Variants in GJA9 observed in about 807,000 individuals in gnomAD.
GJA9 encodes the protein gap junction alpha-9 protein.
Under a neutral mutation model 0.4 loss-of-function variants are expected in GJA9, and 1 was observed. The ratio of observed to expected loss-of-function variants is 2.50; its 90% CI spans 0.89 to 11.88. The LOEUF (loss-of-function observed/expected upper bound fraction) is 11.88. Ranked by LOEUF, GJA9 falls within the 30% of genes most tolerant of loss-of-function variation. GJA9 has a pLI of 0.12. For synonymous variants in GJA9, 190 were observed against 219.1 expected, an observed-to-expected ratio of 0.87 and a Z score of 1.17; for missense variants, 550 against 602.8, an observed-to-expected ratio of 0.91 and a Z score of 0.92.
chr1:38,878,446 C>T (rs1036894231), intron 1 of GJA9, among the ~76,000 whole-genome samples: 11 of 150,938 alleles, frequency 7.3e-5, no homozygotes, highest in South Asian at 4.2e-4. Flanking sequence ...TTTGGGAGGC[C>T]GATGCGGATC....
At chr1:38,880,824 T>C (rs1303277168) in intron 1 of GJA9, among the ~76,000 whole-genome samples, 3 of 152,100 alleles carry the variant, frequency 2.0e-5, no homozygotes, top group Admixed American at 2.0e-4. Context: ...TCATTTATGG[T>C]TCATAAATAA....
rs545118553 is a variant in GJA9 at position 38,876,273 on chromosome 1, CTTTG to C, written c.-95-84_-95-81del. On this transcript the variant is annotated intron_variant, in intron 1 of 1. Coordinates refer to ENST00000357771, the MANE Select transcript of GJA9 (RefSeq NM_030772.5). ...TCCCTAGATAGCTGTGGGGTTTTTT[CTTTG>C]TTTGTTTGTTTGTTGAGACAGAGTC... The C allele has an allele frequency of 1.8e-3, 1,106 of 628,064 alleles. 4 individuals carry two copies. Among genetic ancestry groups the C allele is most frequent in the African/African-American group, 0.014 (744 of 54,004 alleles). The allele number at this position is 628,064 out of a possible 1,614,324, so 38.9% of individuals were successfully genotyped here.
rs1642540558 is a variant in GJA9 at position 38,874,474 on chromosome 1, A to G, written c.*77T>C. 2 of 1,098,720 alleles carry G rather than the reference A, an allele frequency of 1.8e-6. No individual in the cohort carries two copies. The highest frequency in any genetic ancestry group is 2.1e-5 in the Admixed American group (1 of 47,140). 68.1% of individuals were successfully genotyped at this position (1,098,720 alleles called of 1,614,324 possible). ...ACAGCTGGTCTTTAGAGCTGCCCCT[A>G]TCTATTTTTTCTGTGCCCCACGACC... On this transcript the variant is annotated 3_prime_UTR_variant, in exon 2 of 2. Transcript: ENST00000357771.
intron 1 of GJA9, among the ~76,000 whole-genome samples, chr1:38,878,237 C>T (rs1642625747): frequency 6.6e-6 from 1 of 151,812 alleles, no homozygotes. Context: ...TGCCACCACG[C>T]TTGGCTAATT....
chr1:38,878,726 G>T (rs1008449183), intron 1 of GJA9, among the ~76,000 whole-genome samples: 3 of 136,418 alleles, frequency 2.2e-5, no homozygotes, highest in African/African-American at 8.0e-5. Context: ...TATGGTACCA[G>T]AATCTTTTTT....
intron 1 of GJA9, among the ~76,000 whole-genome samples, 181 bp downstream of exon 1, chr1:38,881,251 C>A (rs1440572804): frequency 6.6e-6 from 1 of 151,966 alleles, no homozygotes; most frequent in Non-Finnish European, 1.5e-5. Context: ...TCATAAAGGA[C>A]AACACATAGT....
chr1:38,877,227 T>C (rs1241513386), intron 1 of GJA9, among the ~76,000 whole-genome samples: 1 of 148,998 alleles, frequency 6.7e-6, no homozygotes, highest in African/African-American at 2.5e-5. Context: ...TTAGTAGAGA[T>C]GATGTTTCTC....
rs1299143597 is a variant in GJA9 at position 38,875,571 on chromosome 1, G to A, written c.528C>T (p.Tyr176=). The A allele has an allele frequency of 6.2e-7, 1 of 1,614,078 alleles. No individual in the cohort carries two copies. The highest frequency in any genetic ancestry group is 1.3e-5 in the African/African-American group (1 of 74,932). Residue 176 remains tyrosine, a synonymous_variant, in exon 2 of 2, where the codon TAC becomes TAT. Coordinates refer to ENST00000357771, the MANE Select transcript of GJA9 (RefSeq NM_030772.5). ...GCTCTAAGTGAAATCCATATAAAAG[G>A]TACTGTCCAATCATGAATCCAACTT... ...VVEVGFMIGQ[Y]LLYGFHLEPL...
At chr1:38,881,398 C>T in intron 1 of GJA9, 34 bp downstream of exon 1, 1 of 700,218 alleles carries the variant, frequency 1.4e-6, no homozygotes, top group East Asian at 2.7e-5. Context: ...ACAACTCTTT[C>T]TTAATAAGCT....
Position 38,876,146 on chromosome 1 carries a change from C to A in GJA9, c.-48G>T. 6.9e-7 allele frequency: 1 copy of A among 1,443,208 alleles called. No individual in the cohort carries two copies. The highest frequency in any genetic ancestry group is 1.3e-5 in the South Asian group (1 of 79,974). The allele number at this position is 1,443,208 out of a possible 1,614,324, so 89.4% of individuals were successfully genotyped here. The stretch of plus-strand genomic sequence containing the variant: ...GCTCTGATCCACATCAAATAAGAGG[C>A]AGATAAATTCTTCCATTCTGAAGGG... On this transcript the variant is annotated 5_prime_UTR_variant, in exon 2 of 2. Coordinates refer to ENST00000357771, the MANE Select transcript of GJA9 (RefSeq NM_030772.5).
chr1:38,881,209 T>C (rs926593949), intron 1 of GJA9, among the ~76,000 whole-genome samples: 7 of 152,144 alleles, frequency 4.6e-5, no homozygotes, highest in Non-Finnish European at 1.0e-4. Flanking sequence ...CATTTTACTT[T>C]TATAATCATA....
chr1:38,876,141 A>G lies in GJA9; in HGVS notation c.-43T>C. On this transcript the variant is annotated 5_prime_UTR_variant, in exon 2 of 2. Transcript: ENST00000357771. ...TCTTAGCTCTGATCCACATCAAATA[A>G]GAGGCAGATAAATTCTTCCATTCTG... 6.8e-7 allele frequency: 1 copy of G among 1,474,826 alleles called. No individual in the cohort carries two copies. 91.4% of individuals were successfully genotyped at this position (1,474,826 alleles called of 1,614,324 possible).
In GJA9 at chr1:38,880,411, AT is replaced by A. The variant is rs1345252003; in HGVS notation, c.-96+1020del. 4.0e-3 allele frequency among the ~76,000 whole-genome samples: 417 copies of A among 105,462 alleles called. 16 individuals are homozygous for A. The highest frequency in any genetic ancestry group is 4.4e-3 in the Non-Finnish European group (226 of 51,190). 69.2% of individuals were successfully genotyped at this position (105,462 alleles called of 152,430 possible). A position where few individuals can be genotyped will look rare whatever the true frequency, so the allele number is the denominator to read the frequency against. ...GAGCAAGACTCTGTCTCAAAAAAAAATAAATAATAATAATAATAATAATAAT... is the reference window on the plus strand; with the variant it reads ...GAGCAAGACTCTGTCTCAAAAAAAAAAAATAATAATAATAATAATAATAAT... On this transcript the variant is annotated intron_variant, in intron 1 of 1. Transcript: ENST00000357771.
At chr1:38,881,035 A>G (rs1442795589) in intron 1 of GJA9, among the ~76,000 whole-genome samples, 2 of 152,200 alleles carry the variant, frequency 1.3e-5, no homozygotes, top group Non-Finnish European at 2.9e-5. Flanking sequence ...AAATAGAATA[A>G]TATGGCCCCA....
Position 38,875,500 on chromosome 1 carries a change from C to G in GJA9, c.599G>C (p.Cys200Ser). ...HGHPCPNIID[C>S]FVSRPTEKTI... ...CTTTTCTGTTGGTCTTGAGACAAAA[C>G]AGTCGATTATATTTGGACACGGGTG... Residue 200 changes from cysteine to serine, a missense_variant, in exon 2 of 2, where the codon TGT becomes TCT. Coordinates refer to ENST00000357771, the MANE Select transcript of GJA9 (RefSeq NM_030772.5). The G allele has an allele frequency of 6.2e-7, 1 of 1,614,154 alleles. No homozygotes were observed. The highest frequency in any genetic ancestry group is 8.5e-7 in the Non-Finnish European group (1 of 1,180,004).
At chr1:38,877,940 C>A (rs1263599021) in intron 1 of GJA9, among the ~76,000 whole-genome samples, 1 of 151,982 alleles carries the variant, frequency 6.6e-6, no homozygotes, top group Non-Finnish European at 1.5e-5. Context: ...TTTTTTTAAT[C>A]CAAATTGAAA....
chr1:38,878,859 G>A (rs1243232077), intron 1 of GJA9, among the ~76,000 whole-genome samples: 1 of 149,898 alleles, frequency 6.7e-6, no homozygotes, highest in Non-Finnish European at 1.5e-5. Flanking sequence ...CCAGGCTCCA[G>A]AGTAGCTGGT....
chr1:38,879,917 G>C (rs1464676641), intron 1 of GJA9, among the ~76,000 whole-genome samples: 3 of 151,438 alleles, frequency 2.0e-5, no homozygotes, highest in Middle Eastern at 3.4e-3. Context: ...TTTTAGTAGA[G>C]ACGGGGTTTC....
intron 1 of GJA9, among the ~76,000 whole-genome samples, chr1:38,880,413 A>AAAAAAAAAAAAAAAAAAAT (rs1408571116): frequency 8.3e-6 from 1 of 119,788 alleles, no homozygotes; most frequent in Non-Finnish European, 1.8e-5. Flanking sequence ...AAAAAAAAAT[A>AAAAAAAAAAAAAAAAAAAT]AATAATAATA....
Sources: allele counts gnomAD v4.1 joint callset (sites outside exome capture counted in the v4.1 genomes callset), GRCh38; gene constraint gnomAD v4.1.1; transcripts MANE v1.5; gene names NCBI Gene and HGNC (gene_info 2026-07-23, HGNC 2026-07-21).